MAP4K3: variants seen among roughly 807,000 people sequenced by gnomAD.
MAP4K3 encodes mitogen-activated protein kinase kinase kinase kinase 3, also known as MAPK/ERK kinase kinase kinase 3.
A neutral mutation model predicts 143.5 loss-of-function variants in MAP4K3; 94 were observed. The observed-to-expected ratio is 0.65, with a 90% CI of 0.55 to 0.78. MAP4K3 has a LOEUF of 0.78. Among genes scored for constraint, MAP4K3 ranks in the 30% least tolerant of loss-of-function variants. The pLI, the probability that MAP4K3 is intolerant of heterozygous loss-of-function variation, is 0.00. For missense variants in MAP4K3, 1,077 were observed against 1,068.1 expected (o/e 1.01, Z -0.12); for synonymous variants, 416 against 347.2 (o/e 1.20, Z -2.20).
chr2:39,392,274 G>C (rs186224151), intron 1 of MAP4K3, among the ~76,000 whole-genome samples: 47 of 150,924 alleles, frequency 3.1e-4, no homozygotes, highest in Admixed American at 6.6e-4. Flanking sequence ...GGGGAATGAA[G>C]ACTAAGTTTT....
chr2:39,375,863 C>A (rs1666203801), intron 2 of MAP4K3, among the ~76,000 whole-genome samples: 1 of 152,204 alleles, frequency 6.6e-6, no homozygotes, highest in African/African-American at 2.4e-5. Flanking sequence ...TGTCTAGCTC[C>A]TTTCACTTAG....
intron 1 of MAP4K3, among the ~76,000 whole-genome samples, chr2:39,407,453 A>C (rs571765121): frequency 4.3e-4 from 66 of 152,338 alleles, no homozygotes; most frequent in Middle Eastern, 3.4e-3. Flanking sequence ...AAAACAGAAG[A>C]AACAGCTACT....
intron 12 of MAP4K3, among the ~76,000 whole-genome samples, chr2:39,321,689 A>G (rs575226444): frequency 6.6e-6 from 1 of 152,242 alleles, no homozygotes; most frequent in Non-Finnish European, 1.5e-5. Flanking sequence ...GGAATGTCTC[A>G]GTATAAAACC....
chr2:39,290,084 C>A (rs79569230), intron 19 of MAP4K3, among the ~76,000 whole-genome samples: 94 of 111,934 alleles, frequency 8.4e-4, no homozygotes, highest in African/African-American at 3.2e-3. Context: ...GAGACTGTCT[C>A]AAAAAAAAAA....
At chr2:39,414,898 C>T (rs1667330367) in intron 1 of MAP4K3, among the ~76,000 whole-genome samples, 1 of 151,734 alleles carries the variant, frequency 6.6e-6, no homozygotes, top group South Asian at 2.1e-4. Context: ...AGAGTATGTA[C>T]CAATCTAATA....
chr2:39,424,353 G>A (rs1572513896), intron 1 of MAP4K3, among the ~76,000 whole-genome samples: 1 of 152,100 alleles, frequency 6.6e-6, no homozygotes. Context: ...CAAGGTGGGA[G>A]GGGATGGAGG....
At chr2:39,268,632 C>CTCTTTT (rs1389888924) in intron 26 of MAP4K3, among the ~76,000 whole-genome samples, 2 of 45,736 alleles carry the variant, frequency 4.4e-5, no homozygotes, top group Non-Finnish European at 5.7e-5. Context: ...AAGATTTTTT[C>CTCTTTT]TATTTTTTTT....
At chr2:39,393,049 T>G (rs1034352693) in intron 1 of MAP4K3, among the ~76,000 whole-genome samples, 2 of 152,240 alleles carry the variant, frequency 1.3e-5, no homozygotes, top group Admixed American at 1.3e-4. Context: ...TTACTTAATT[T>G]GAGGCATTTT....
At chr2:39,398,854 C>T (rs1666880414) in intron 1 of MAP4K3, among the ~76,000 whole-genome samples, 1 of 150,952 alleles carries the variant, frequency 6.6e-6, no homozygotes, top group African/African-American at 2.4e-5. Flanking sequence ...ACCAGCCTGG[C>T]CAACATGGCG....
rs559796506 is a variant in MAP4K3 at position 39,373,963 on chromosome 2, T to C, written c.154+4103A>G. Among the ~76,000 whole-genome samples, 6 of 152,324 alleles carry C rather than the reference T, an allele frequency of 3.9e-5. No homozygotes were observed. In the East Asian group the frequency reaches 9.6e-4, roughly 24 times the overall value. On this transcript the variant is annotated intron_variant, in intron 2 of 33. Transcript: ENST00000263881. ...TTTAAAATAACTGGAAGAGTATAAC[T>C]GGTCTGTTTGAAACACAAAGGATAA... is the stretch of plus-strand genomic sequence containing the variant.
chr2:39,376,292 G>A (rs1396896899), intron 2 of MAP4K3, among the ~76,000 whole-genome samples: 4 of 152,080 alleles, frequency 2.6e-5, no homozygotes, highest in Non-Finnish European at 5.9e-5. Flanking sequence ...GGTGGCGGGG[G>A]GAAATGGGTA....
intron 2 of MAP4K3, among the ~76,000 whole-genome samples, chr2:39,361,172 T>C (rs530635968): frequency 9.3e-4 from 142 of 152,146 alleles, no homozygotes; most frequent in Non-Finnish European, 1.5e-3. Flanking sequence ...GTTTCTTTCT[T>C]TCTCTCTGTT....
chr2:39,436,900 C>G lies in MAP4K3; in HGVS notation c.88G>C (p.Val30Leu). Reference sequence around the variant, plus strand: ...GCGGCCCCTGCCTTTACCTTGTAGACGTCGCCGTAGGTGCCGCTGCCGATG... The same window carrying G: ...GCGGCCCCTGCCTTTACCTTGTAGAGGTCGCCGTAGGTGCCGCTGCCGATG... Reference protein sequence around the residue: ...QRIGSGTYGDVYKARNVNTGE... With the variant: ...QRIGSGTYGDLYKARNVNTGE... The change falls in exon 1 of 34, where the codon GTC (valine) becomes CTC (leucine). Residue 30 changes from valine to leucine, a missense_variant. By Grantham distance (32) the Val-to-Leu change is conservative. Transcript: ENST00000263881. The G allele has an allele frequency of 6.2e-7, 1 of 1,610,396 alleles. No homozygotes were observed. Among genetic ancestry groups the G allele is most frequent in the South Asian group, 1.1e-5 (1 of 90,694 alleles).
intron 28 of MAP4K3, 193 bp from the exon 29 acceptor site, chr2:39,260,970 T>A: frequency 4.0e-6 from 2 of 500,862 alleles, no homozygotes; most frequent in Non-Finnish European, 7.0e-6. Flanking sequence ...ATTTTAAAGT[T>A]ATAATTACAT....
chr2:39,304,729 C>T (rs1682636784), intron 15 of MAP4K3, among the ~76,000 whole-genome samples: 1 of 152,120 alleles, frequency 6.6e-6, no homozygotes. Context: ...GAATCGAAAG[C>T]AGGGACTCAA....
At chr2:39,276,170 C>G (rs965560369) in intron 24 of MAP4K3, among the ~76,000 whole-genome samples, 8 of 152,302 alleles carry the variant, frequency 5.3e-5, no homozygotes, top group African/African-American at 1.9e-4. Flanking sequence ...CCACGGCCGG[C>G]CTTGTAATCG....
chr2:39,408,930 A>T (rs571508082), intron 1 of MAP4K3, among the ~76,000 whole-genome samples: 5 of 152,336 alleles, frequency 3.3e-5, no homozygotes, highest in African/African-American at 1.2e-4. Flanking sequence ...TGAAACTAAC[A>T]GTGGGAGGAT....
At chr2:39,266,231 C>T (rs1444096303) in intron 27 of MAP4K3, among the ~76,000 whole-genome samples, 1 of 152,206 alleles carries the variant, frequency 6.6e-6, no homozygotes, top group Non-Finnish European at 1.5e-5. Context: ...GCTGTTCTCG[C>T]TTCCTGTTAA....
intron 32 of MAP4K3, among the ~76,000 whole-genome samples, chr2:39,253,137 C>CT (rs935074403): frequency 6.6e-6 from 1 of 151,862 alleles, no homozygotes; most frequent in Non-Finnish European, 1.5e-5. Context: ...TAGCAGCCAC[C>CT]TTTTTTTTGG....
Sources: gnomAD v4.1 joint callset for allele counts (sites outside exome capture counted in the v4.1 genomes callset) on GRCh38, gnomAD v4.1.1 for gene constraint, MANE v1.5 for transcripts, NCBI Gene and HGNC (gene_info 2026-07-23, HGNC 2026-07-21) for gene names.